The following DGKB variants were observed in gnomAD, a reference collection of about 807,000 sequenced individuals.
DGKB encodes the protein 90 kDa diacylglycerol kinase.
In DGKB, 67 loss-of-function variants were observed where a neutral mutation model predicts 114.3. That is an observed-to-expected ratio of 0.59 (90% CI 0.48 to 0.72). DGKB has a LOEUF of 0.72. DGKB is among the 30% of genes least tolerant of loss of function. DGKB has a pLI of 0.00. For synonymous variants in DGKB, 398 were observed against 323.1 expected, an observed-to-expected ratio of 1.23 and a Z score of -2.49; for missense variants, 907 against 975.2, an observed-to-expected ratio of 0.93 and a Z score of 0.93.
intron 2 of DGKB, among the ~76,000 whole-genome samples, chr7:14,808,504 A>G (rs527321166): frequency 6.6e-6 from 1 of 152,212 alleles, no homozygotes; most frequent in Non-Finnish European, 1.5e-5. Context: ...AAAAAGAGAG[A>G]TTTCACTGTA....
chr7:14,949,671 T>C (rs559623288), intron 1 of DGKB, among the ~76,000 whole-genome samples: 5 of 151,898 alleles, frequency 3.3e-5, no homozygotes, highest in Admixed American at 1.3e-4. Context: ...AAACTCCAAA[T>C]AGTATAAATG....
At chr7:14,941,637 G>A (rs563003647) in intron 1 of DGKB, among the ~76,000 whole-genome samples, 17 of 152,050 alleles carry the variant, frequency 1.1e-4, no homozygotes, top group Non-Finnish European at 2.2e-4. Context: ...TTTAAATATT[G>A]GTGAATGGTA....
chr7:14,415,387 A>G (rs998533912), intron 21 of DGKB, among the ~76,000 whole-genome samples: 5 of 151,326 alleles, frequency 3.3e-5, no homozygotes, highest in Admixed American at 1.3e-4. Context: ...GTCATTTAGC[A>G]TTAGGTATAT....
intron 2 of DGKB, among the ~76,000 whole-genome samples, chr7:14,759,537 A>C (rs980425053): frequency 6.6e-6 from 1 of 152,038 alleles, no homozygotes; most frequent in Non-Finnish European, 1.5e-5. Flanking sequence ...GGCTTCTTTC[A>C]CTTAGCTTAG....
chr7:14,544,704 A>T (rs973963186), intron 20 of DGKB, among the ~76,000 whole-genome samples: 2 of 152,322 alleles, frequency 1.3e-5, no homozygotes, highest in African/African-American at 4.8e-5. Flanking sequence ...AGTCAAAAAC[A>T]TTGGAGTCTG....
At chr7:14,539,697 C>G (rs894751884) in intron 20 of DGKB, among the ~76,000 whole-genome samples, 1 of 152,070 alleles carries the variant, frequency 6.6e-6, no homozygotes, top group Non-Finnish European at 1.5e-5. Context: ...TATTCAGTTC[C>G]TCAGACAGCA....
At chr7:14,513,203 A>G (rs1015859489) in intron 20 of DGKB, among the ~76,000 whole-genome samples, 9 of 152,094 alleles carry the variant, frequency 5.9e-5, no homozygotes, top group African/African-American at 2.2e-4. Flanking sequence ...GACAGAACCC[A>G]TACTTTATTA....
intron 23 of DGKB, among the ~76,000 whole-genome samples, chr7:14,310,336 A>G (rs527332690): frequency 6.6e-6 from 1 of 152,294 alleles, no homozygotes; most frequent in East Asian, 1.9e-4. Flanking sequence ...TGGGAACGAT[A>G]GAATCTCTAA....
At chr7:14,441,931 G>T (rs1204675936) in intron 21 of DGKB, among the ~76,000 whole-genome samples, 1 of 151,868 alleles carries the variant, frequency 6.6e-6, no homozygotes, top group African/African-American at 2.4e-5. Flanking sequence ...TAATGCAGTA[G>T]ATATACATAC....
intron 13 of DGKB, among the ~76,000 whole-genome samples, chr7:14,643,287 G>T (rs1462616037): frequency 5.9e-5 from 9 of 152,084 alleles, no homozygotes; most frequent in Non-Finnish European, 1.2e-4. Flanking sequence ...GGAGAGAAAA[G>T]CCCCTCTGCC....
At chr7:14,433,731 G>C (rs1248182048) in intron 21 of DGKB, among the ~76,000 whole-genome samples, 1 of 152,112 alleles carries the variant, frequency 6.6e-6, no homozygotes, top group Non-Finnish European at 1.5e-5. Flanking sequence ...TAAGGGTAGA[G>C]TATTCCTTAT....
chr7:14,872,587 G>A (rs1482991980), intron 1 of DGKB, among the ~76,000 whole-genome samples: 1 of 152,096 alleles, frequency 6.6e-6, no homozygotes, highest in African/African-American at 2.4e-5. Flanking sequence ...TTTGGTGAAT[G>A]TTTATAAAGC....
intron 23 of DGKB, among the ~76,000 whole-genome samples, chr7:14,310,556 G>A (rs533991678): frequency 6.6e-6 from 1 of 152,232 alleles, no homozygotes; most frequent in East Asian, 1.9e-4. Context: ...AATCAAGAAT[G>A]GATAATCAGG....
chr7:14,239,224 G>T, intron 23 of DGKB, among the ~76,000 whole-genome samples: 1 of 152,010 alleles, frequency 6.6e-6, no homozygotes, highest in East Asian at 1.9e-4. Context: ...CAAGAAAAGG[G>T]TACAAAGCTT....
chr7:14,342,623 A>C (rs975327708), intron 22 of DGKB, among the ~76,000 whole-genome samples: 4 of 151,886 alleles, frequency 2.6e-5, no homozygotes, highest in Non-Finnish European at 5.9e-5. Context: ...TTGTGGCAGC[A>C]ACATAATTCT....
intron 23 of DGKB, among the ~76,000 whole-genome samples, chr7:14,278,684 A>C (rs894204462): frequency 1.8e-4 from 28 of 152,298 alleles, no homozygotes; most frequent in Middle Eastern, 6.8e-3. Flanking sequence ...GAAATAACAG[A>C]GGGAAAGGAC....
At chr7:14,699,591 T>C (rs998232385) in intron 7 of DGKB, among the ~76,000 whole-genome samples, 2 of 152,186 alleles carry the variant, frequency 1.3e-5, no homozygotes, top group African/African-American at 4.8e-5. Flanking sequence ...TTAGAAATAG[T>C]GGACAATTTT....
chr7:14,681,894 A>G (rs1363894426), intron 12 of DGKB, among the ~76,000 whole-genome samples: 1 of 152,102 alleles, frequency 6.6e-6, no homozygotes, highest in African/African-American at 2.4e-5. Context: ...AAGCATTTAC[A>G]TCAGTCTCTC....
At chr7:14,643,462 G>C (rs1812240408) in intron 13 of DGKB, among the ~76,000 whole-genome samples, 1 of 152,032 alleles carries the variant, frequency 6.6e-6, no homozygotes, top group Admixed American at 6.5e-5. Context: ...TTCTGACTTG[G>C]GCCAAATAGC....
Sources: allele counts gnomAD v4.1 joint callset (sites outside exome capture counted in the v4.1 genomes callset), GRCh38; gene constraint gnomAD v4.1.1; transcripts MANE v1.5; gene names NCBI Gene and HGNC (gene_info 2026-07-23, HGNC 2026-07-21).